GRIN2B: variants seen among roughly 807,000 people sequenced by gnomAD.
GRIN2B encodes the protein glutamate receptor ionotropic, NMDA 2B.
In GRIN2B, 5 loss-of-function variants were observed where a neutral mutation model predicts 114.5. That is an observed-to-expected ratio of 0.04 (90% CI 0.02 to 0.09). The LOEUF is 0.09. GRIN2B is among the 10% of genes least tolerant of loss of function. The probability of loss-of-function intolerance (pLI) is 1.00; values close to 1 mark genes in which losing one functional copy is unlikely to be tolerated. For missense variants in GRIN2B, 1,108 were observed against 1,943.5 expected, an observed-to-expected ratio of 0.57 and a Z score of 8.08; for synonymous variants, 787 against 745.1, an observed-to-expected ratio of 1.06 and a Z score of -0.92.
At chr12:13,767,606 G>T (rs1238127836) in intron 3 of GRIN2B, among the ~76,000 whole-genome samples, 1 of 152,316 alleles carries the variant, frequency 6.6e-6, no homozygotes, top group East Asian at 1.9e-4. Flanking sequence ...ACTTCCAGGT[G>T]CAAATAGAGT....
At chr12:13,752,145 C>T (rs1301474797) in intron 4 of GRIN2B, among the ~76,000 whole-genome samples, 1 of 152,162 alleles carries the variant, frequency 6.6e-6, no homozygotes, top group Non-Finnish European at 1.5e-5. Context: ...ACCCACTCAA[C>T]CTCCACTATA....
intron 4 of GRIN2B, among the ~76,000 whole-genome samples, chr12:13,721,463 T>C (rs949080028): frequency 1.3e-5 from 2 of 151,984 alleles, no homozygotes; most frequent in Non-Finnish European, 1.5e-5. Flanking sequence ...GATGAGATGA[T>C]GAAAAGACAG....
At chr12:13,608,076 A>G (rs745706567) in intron 10 of GRIN2B, among the ~76,000 whole-genome samples, 5 of 152,184 alleles carry the variant, frequency 3.3e-5, no homozygotes, top group Non-Finnish European at 5.9e-5. Flanking sequence ...AGCACCACAC[A>G]GGGGCAATCA....
chr12:13,959,322 G>A (rs1032848388), intron 2 of GRIN2B, among the ~76,000 whole-genome samples: 6 of 152,208 alleles, frequency 3.9e-5, no homozygotes, highest in African/African-American at 1.4e-4. Flanking sequence ...TAACACAAAG[G>A]CAGGCAGCCG....
At chr12:13,607,297 AATATATATTATATATAATATAAAAT>A (rs1185464700) in intron 10 of GRIN2B, among the ~76,000 whole-genome samples, 2 of 66,510 alleles carry the variant, frequency 3.0e-5, no homozygotes, top group Admixed American at 2.5e-4. Flanking sequence ...ATTATATAAA[AATATATATTATATATAATATAAAAT>A]ATATAATATA....
chr12:13,575,546 C>A (rs1948763294), intron 10 of GRIN2B, among the ~76,000 whole-genome samples: 1 of 152,026 alleles, frequency 6.6e-6, no homozygotes, highest in African/African-American at 2.4e-5. Flanking sequence ...CTAGTCCCAG[C>A]TACCTGGGAG....
rs1398042098 is a variant in GRIN2B at position 13,546,342 on chromosome 12, A to C, written c.*16441T>G. 1.3e-5 allele frequency: 2 copies of C among 152,216 alleles called. No homozygotes were observed. The highest frequency in any genetic ancestry group is 1.3e-4 in the Admixed American group (2 of 15,290). 9.4% of individuals were successfully genotyped at this position (152,216 alleles called of 1,614,324 possible). On this transcript the variant is annotated 3_prime_UTR_variant, in exon 14 of 14. Transcript: ENST00000609686. ...ACAATGCTTATCAATGTCTGTCTGG[A>C]AGAAAGCCTACGTCTCTTTCTAAAG...
At chr12:13,842,602 A>G (rs189182264) in intron 3 of GRIN2B, among the ~76,000 whole-genome samples, 20 of 152,328 alleles carry the variant, frequency 1.3e-4, no homozygotes, top group Admixed American at 6.5e-4. Context: ...CACATAAAGG[A>G]TGTTCTGAAT....
chr12:13,875,600 A>T (rs1199835845), intron 2 of GRIN2B, among the ~76,000 whole-genome samples: 2 of 152,114 alleles, frequency 1.3e-5, no homozygotes, highest in African/African-American at 2.4e-5. Flanking sequence ...CAACCCCCAA[A>T]ACAATCTGCT....
chr12:13,874,439 A>T (rs754582192), intron 2 of GRIN2B, among the ~76,000 whole-genome samples: 1 of 152,254 alleles, frequency 6.6e-6, no homozygotes, highest in Non-Finnish European at 1.5e-5. Flanking sequence ...GTAGATGATT[A>T]TCAGTACTCT....
chr12:13,760,595 T>C (rs1331497879), intron 3 of GRIN2B, among the ~76,000 whole-genome samples: 3 of 152,214 alleles, frequency 2.0e-5, no homozygotes, highest in Non-Finnish European at 4.4e-5. Context: ...AATTCAGTTC[T>C]TGAGGACAAT....
intron 4 of GRIN2B, among the ~76,000 whole-genome samples, chr12:13,711,254 A>C (rs1319981676): frequency 6.6e-6 from 1 of 152,022 alleles, no homozygotes; most frequent in Non-Finnish European, 1.5e-5. Context: ...CTTACATGTT[A>C]GACCTAAAAC....
intron 5 of GRIN2B, among the ~76,000 whole-genome samples, chr12:13,651,476 C>T (rs1018217651): frequency 9.2e-5 from 14 of 152,016 alleles, no homozygotes; most frequent in Non-Finnish European, 1.3e-4. Flanking sequence ...CAAAAAATAG[C>T]ACCACTACCT....
At chr12:13,671,722 T>C (rs1950023704) in intron 5 of GRIN2B, among the ~76,000 whole-genome samples, 1 of 152,176 alleles carries the variant, frequency 6.6e-6, no homozygotes, top group African/African-American at 2.4e-5. Flanking sequence ...GTGAAATAGC[T>C]TGTCAATATT....
chr12:13,908,820 A>C (rs990603627), intron 2 of GRIN2B, among the ~76,000 whole-genome samples: 1 of 152,178 alleles, frequency 6.6e-6, no homozygotes, highest in Non-Finnish European at 1.5e-5. Flanking sequence ...CACAAAACAC[A>C]CACCAGTATA....
At chr12:13,873,085 A>G (rs971993849) in intron 2 of GRIN2B, among the ~76,000 whole-genome samples, 4 of 152,224 alleles carry the variant, frequency 2.6e-5, no homozygotes, top group Admixed American at 6.5e-5. Context: ...TGTGCTATGA[A>G]CTAAGAAGTA....
At chr12:13,648,969 G>T (rs1481077770) in intron 5 of GRIN2B, among the ~76,000 whole-genome samples, 1 of 152,010 alleles carries the variant, frequency 6.6e-6, no homozygotes, top group African/African-American at 2.4e-5. Flanking sequence ...GGGATAAGAA[G>T]AAATAGCCTG....
At chr12:13,852,552 T>C (rs1013748460) in intron 3 of GRIN2B, among the ~76,000 whole-genome samples, 2 of 152,092 alleles carry the variant, frequency 1.3e-5, no homozygotes, top group African/African-American at 2.4e-5. Flanking sequence ...TGTCTTTCAA[T>C]ACTAGTAGAT....
At chr12:13,784,371 T>A (rs1864184688) in intron 3 of GRIN2B, among the ~76,000 whole-genome samples, 1 of 150,870 alleles carries the variant, frequency 6.6e-6, no homozygotes, top group African/African-American at 2.4e-5. Context: ...AAGTGCTGAA[T>A]AAGTATTTGT....
Sources: allele counts gnomAD v4.1 joint callset (sites outside exome capture counted in the v4.1 genomes callset), GRCh38; gene constraint gnomAD v4.1.1; transcripts MANE v1.5; gene names NCBI Gene and HGNC (gene_info 2026-07-23, HGNC 2026-07-21).